PCNT: variants seen among roughly 807,000 people sequenced by gnomAD.
The protein encoded by PCNT is pericentrin, also known as kendrin.
A neutral mutation model predicts 380.4 loss-of-function variants in PCNT; 319 were observed. The observed-to-expected ratio is 0.84, with a 90% CI of 0.77 to 0.92. The LOEUF (loss-of-function observed/expected upper bound fraction) is 0.92. Among genes scored for constraint, PCNT ranks in the 40% least tolerant of loss-of-function variants. The pLI is 0.00. For missense variants in PCNT, 4,400 were observed against 4,255.3 expected (o/e 1.03, Z -0.95); for synonymous variants, 1,845 against 1,735.2 (o/e 1.06, Z -1.57).
intron 8 of PCNT, among the ~76,000 whole-genome samples, chr21:46,351,063 C>T (rs1376558553): frequency 6.6e-6 from 1 of 152,192 alleles, no homozygotes; most frequent in African/African-American, 2.4e-5. Flanking sequence ...TAGTAAGACT[C>T]CCTAAATTCC....
At chr21:46,436,913 G>A in intron 39 of PCNT, 66 bp from the exon 40 acceptor site, 1 of 1,127,624 alleles carries the variant, frequency 8.9e-7, no homozygotes, top group Non-Finnish European at 1.4e-6. Context: ...GTGAGCTCTT[G>A]TTTAGTTTTG....
At chr21:46,330,499 AAGTT>A (rs1225826565) in intron 2 of PCNT, among the ~76,000 whole-genome samples, 18 of 152,300 alleles carry the variant, frequency 1.2e-4, no homozygotes, top group African/African-American at 3.8e-4. Flanking sequence ...GCTGTACACT[AAGTT>A]AGGAATCAAA....
intron 30 of PCNT, among the ~76,000 whole-genome samples, chr21:46,417,327 TG>T (rs552179454): frequency 5.9e-5 from 9 of 151,626 alleles, no homozygotes; most frequent in Non-Finnish European, 1.2e-4. Flanking sequence ...CCCTAGTAGC[TG>T]GGACTACAGG....
At chr21:46,346,273 GCATC>G in intron 4 of PCNT, 65 bp downstream of exon 4, 6 of 852,810 alleles carry the variant, frequency 7.0e-6, no homozygotes, top group Middle Eastern at 2.5e-4. Context: ...GGCACAGTGG[GCATC>G]CGGGTGGGGG....
At position 46,353,188 on chromosome 21, in the gene PCNT, C is replaced by T. The variant is rs951804645; in HGVS notation, c.1541C>T (p.Ser514Phe). Residue 514 changes from serine to phenylalanine, a missense_variant, in exon 10 of 47, where the codon TCC becomes TTC. Physicochemically the swap from Ser to Phe is radical, Grantham distance 155 (BLOSUM62 -2). Transcript: ENST00000359568. ...LKQREKTQHE[S>F]ELEQLRIYFE... ...CAGCGAGAAAAAACCCAGCATGAGT[C>T]CGAACTGGAGCAACTGAGGATTTAT... 2 of 1,614,082 alleles carry T rather than the reference C, an allele frequency of 1.2e-6. No homozygotes were observed. Among genetic ancestry groups the T allele is most frequent in the African/African-American group, 2.7e-5 (2 of 75,032 alleles).
Position 46,411,595 on chromosome 21 carries a change from A to G in PCNT, c.5522A>G (p.Asn1841Ser), listed in dbSNP as rs35940413. 0.13 allele frequency: 212,314 copies of G among 1,612,692 alleles called. 19,522 individuals are homozygous for G. Among genetic ancestry groups the G allele is most frequent in the African/African-American group, 0.47 (35,459 of 74,956 alleles). Reference sequence around the variant, plus strand: ...CTACAGCTGGCTGAGCTGGAGCGCAATGTAGCCCTCAGGGAGGCTGAGGTC... The same window carrying G: ...CTACAGCTGGCTGAGCTGGAGCGCAGTGTAGCCCTCAGGGAGGCTGAGGTC... ...AELQLAELER[N>S]VALREAEVED... Residue 1841 changes from asparagine (N) to serine (S), a missense_variant, in exon 28 of 47, where the codon AAT becomes AGT. Transcript: ENST00000359568.
In PCNT at chr21:46,414,353, A is replaced by G. The variant is rs188206050; in HGVS notation, c.6150+1361A>G. ...CCTCCTCCAGTCCAAGGCCCAGCGC[A>G]GCCTCCCTGGACACACAGCCACCCA... On this transcript the variant is annotated intron_variant, in intron 29 of 46. Coordinates refer to ENST00000359568, the MANE Select transcript of PCNT (RefSeq NM_006031.6). 1.8e-4 allele frequency among the ~76,000 whole-genome samples: 27 copies of G among 151,958 alleles called. No homozygotes were observed. In the East Asian group the frequency reaches 5.0e-3, roughly 28 times the overall value.
At chr21:46,444,583 G>C in intron 45 of PCNT, 111 bp from the exon 46 acceptor site, 1 of 1,198,092 alleles carries the variant, frequency 8.3e-7, no homozygotes, top group Non-Finnish European at 1.2e-6. Context: ...CACGGGTCTG[G>C]TTGGCGGGGC....
In PCNT at chr21:46,430,033, G is replaced by A. The variant is rs771959511; in HGVS notation, c.7714G>A (p.Glu2572Lys). The A allele has an allele frequency of 2.5e-6, 4 of 1,614,214 alleles. No homozygotes were observed. Among genetic ancestry groups the A allele is most frequent in the Middle Eastern group, 1.6e-4 (1 of 6,062 alleles). Residue 2572 changes from glutamate to lysine, a missense_variant, in exon 36 of 47, where the codon GAG becomes AAG. Physicochemically the swap from Glu to Lys is moderately conservative, Grantham distance 56. Transcript: ENST00000359568. ...AGTTGAACTGCTGGCTTATAAAGTA[G>A]AGCAGGAGAAGTGCATTGCTGGTGA... The part of the protein sequence containing the change: ...RQVELLAYKV[E>K]QEKCIAGDLQ...
In PCNT at chr21:46,346,993, A is replaced by C; in HGVS notation, c.971A>C (p.Glu324Ala). Residue 324 changes from glutamate to alanine, a missense_variant, in exon 5 of 47, where the codon GAA becomes GCA. Glu to Ala is a moderately radical substitution (Grantham distance 107). Transcript: ENST00000359568. ...GAGGTGGTGCTCAGGTGTGGACAGG[A>C]AGCAGGTACTGCATGGCTAGGCGGG... ...KEEVVLRCGQ[E>A]AAELKEKLQS... 1 of 1,595,120 alleles carries C rather than the reference A, an allele frequency of 6.3e-7. No homozygotes were observed. Among genetic ancestry groups the C allele is most frequent in the East Asian group, 2.3e-5 (1 of 44,256 alleles).
At chr21:46,422,651 A>G (rs2147858710) in intron 32 of PCNT, among the ~76,000 whole-genome samples, 1 of 152,316 alleles carries the variant, frequency 6.6e-6, no homozygotes, top group East Asian at 1.9e-4. Flanking sequence ...TTGGCTAAAC[A>G]AGTGAGTGAT....
intron 38 of PCNT, among the ~76,000 whole-genome samples, 188 bp from the exon 39 acceptor site, chr21:46,435,716 G>T (rs1462214493): frequency 6.6e-6 from 1 of 151,782 alleles, no homozygotes; most frequent in Non-Finnish European, 1.5e-5. Flanking sequence ...CTAATTTTTT[G>T]TATTTTTAGT....
intron 15 of PCNT, among the ~76,000 whole-genome samples, chr21:46,370,233 G>T (rs369123962): frequency 1.3e-5 from 2 of 151,890 alleles, no homozygotes; most frequent in Admixed American, 6.6e-5. Flanking sequence ...CCGGGGGGGG[G>T]TGTCTTTGGT....
chr21:46,442,174 C>A (rs112410230), intron 43 of PCNT, among the ~76,000 whole-genome samples: 17 of 152,218 alleles, frequency 1.1e-4, no homozygotes, highest in Middle Eastern at 3.4e-3. Flanking sequence ...CTGGTGTGGC[C>A]GGCTGACTTT....
At position 46,346,963 on chromosome 21, in the gene PCNT, A is replaced by T; in HGVS notation, c.941A>T (p.Lys314Met). ...ELLREQHARE[K>M]EEVVLRCGQE... Reference sequence around the variant, plus strand: ...CTCAGGGAGCAGCACGCACGGGAGAAGGAGGAGGTGGTGCTCAGGTGTGGA... The same window carrying T: ...CTCAGGGAGCAGCACGCACGGGAGATGGAGGAGGTGGTGCTCAGGTGTGGA... The change falls in exon 5 of 47, where the codon AAG becomes ATG. Residue 314 changes from lysine to methionine, a missense_variant. Coordinates refer to ENST00000359568, the MANE Select transcript of PCNT (RefSeq NM_006031.6). The T allele has an allele frequency of 6.3e-7, 1 of 1,596,810 alleles. No individual in the cohort carries two copies. The highest frequency in any genetic ancestry group is 1.1e-5 in the South Asian group (1 of 87,916).
intron 14 of PCNT, among the ~76,000 whole-genome samples, chr21:46,365,267 G>T (rs1284969514): frequency 7.5e-6 from 1 of 133,228 alleles, no homozygotes; most frequent in Non-Finnish European, 1.6e-5. Flanking sequence ...ATGGAGTTCT[G>T]TTCACTCCCA....
chr21:46,445,588 T>C lies in PCNT; in HGVS notation c.*261T>C, dbSNP rs1308067225. 1.9e-6 allele frequency: 1 copy of C among 517,858 alleles called. No homozygotes were observed. The highest frequency in any genetic ancestry group is 3.4e-6 in the Non-Finnish European group (1 of 290,340). The allele number at this position is 517,858 out of a possible 1,614,324, so 32.1% of individuals were successfully genotyped here. ...GGCACTCACTCCCATGAGCCCTGGC[T>C]GTGTGCTGTTGTGTGCCTATCGGCA... On this transcript the variant is annotated 3_prime_UTR_variant, in exon 47 of 47. Transcript: ENST00000359568.
rs1569200996 is a variant in PCNT, at chr21:46,363,479, G to C, written c.2155-1G>C. 6.2e-7 allele frequency: 1 copy of C among 1,609,248 alleles called. No individual in the cohort carries two copies. Among genetic ancestry groups the C allele is most frequent in the East Asian group, 2.2e-5 (1 of 44,866 alleles). ...CCTAAATGAAATTATGTTGTCTGTAGGTAAAACACAATCTAATTGAAGACC... is the reference window on the plus strand; with the variant it reads ...CCTAAATGAAATTATGTTGTCTGTACGTAAAACACAATCTAATTGAAGACC... On this transcript the variant is annotated splice_acceptor_variant, in intron 13 of 46. Transcript: ENST00000359568. LOFTEE classifies it high-confidence loss of function.
At position 46,430,063 on chromosome 21, in the gene PCNT, C is replaced by G. The variant is rs978263642; in HGVS notation, c.7744C>G (p.Gln2582Glu). Reference sequence around the variant, plus strand: ...GGAGAAGTGCATTGCTGGTGACTTGCAGAAGACGCTGAGTGAAGAGCAAGA... The same window carrying G: ...GGAGAAGTGCATTGCTGGTGACTTGGAGAAGACGCTGAGTGAAGAGCAAGA... ...EQEKCIAGDL[Q>E]KTLSEEQEKA... Residue 2582 changes from glutamine (Q) to glutamate (E), a missense_variant, in exon 36 of 47, where the codon CAG becomes GAG. Coordinates refer to ENST00000359568, the MANE Select transcript of PCNT (RefSeq NM_006031.6). 7 of 1,614,080 alleles carry G rather than the reference C, an allele frequency of 4.3e-6. No individual in the cohort carries two copies. The highest frequency in any genetic ancestry group is 1.3e-5 in the African/African-American group (1 of 74,920).
Sources: gnomAD v4.1 joint callset for allele counts (sites outside exome capture counted in the v4.1 genomes callset) on GRCh38, gnomAD v4.1.1 for gene constraint, MANE v1.5 for transcripts, NCBI Gene and HGNC (gene_info 2026-07-23, HGNC 2026-07-21) for gene names.